Variants in RFX4 observed in about 807,000 individuals in gnomAD.
RFX4 encodes the protein regulatory factor X4, also known as transcription factor RFX4.
In RFX4, 10 loss-of-function variants were observed where a neutral mutation model predicts 95.0. The ratio of observed to expected loss-of-function variants is 0.11; its 90% CI spans 0.06 to 0.18. The LOEUF (loss-of-function observed/expected upper bound fraction) is 0.18. RFX4 is among the 10% of genes least tolerant of loss of function. The pLI is 1.00. For synonymous variants in RFX4, 321 were observed against 340.7 expected (o/e 0.94, Z 0.64); for missense variants, 640 against 922.0 (o/e 0.69, Z 3.96).
intron 8 of RFX4, among the ~76,000 whole-genome samples, chr12:106,701,626 G>C (rs1328124615): frequency 1.3e-5 from 2 of 152,178 alleles, no homozygotes; most frequent in African/African-American, 2.4e-5. Flanking sequence ...GGTTCACTGA[G>C]TCTTTCCTTT....
chr12:106,722,846 A>G (rs1360049768), intron 13 of RFX4, among the ~76,000 whole-genome samples: 1 of 152,152 alleles, frequency 6.6e-6, no homozygotes, highest in African/African-American at 2.4e-5. Context: ...CTGCTTATAT[A>G]TGTCAAAGAC....
chr12:106,726,262 A>G lies in RFX4; in HGVS notation c.1351+5386A>G, dbSNP rs575475524. Among the ~76,000 whole-genome samples, 4 of 150,708 alleles carry G rather than the reference A, an allele frequency of 2.7e-5. No individual in the cohort carries two copies. The East Asian group carries it at 7.8e-4, about 29-fold the overall frequency. On this transcript the variant is annotated intron_variant, in intron 13 of 17. Coordinates refer to ENST00000392842, the MANE Select transcript of RFX4 (RefSeq NM_213594.3). ...GACTCCATCTAAAAAAAAAAAAAAG[A>G]AAAAAAGGAAAAAAAAAAGAAGAAG...
chr12:106,612,105 A>G (rs1222448540), intron 2 of RFX4, among the ~76,000 whole-genome samples: 1 of 152,112 alleles, frequency 6.6e-6, no homozygotes, highest in Non-Finnish European at 1.5e-5. Context: ...GAGATTCCAT[A>G]TGAATTTTAG....
intron 3 of RFX4, among the ~76,000 whole-genome samples, chr12:106,641,971 C>A (rs77222055): frequency 0.024 from 2,443 of 103,652 alleles, 30 homozygotes; most frequent in African/African-American, 0.07. Flanking sequence ...CTATATCTAT[C>A]TATATCTATA....
chr12:106,643,506 C>A (rs2040678856), intron 3 of RFX4, among the ~76,000 whole-genome samples: 1 of 152,182 alleles, frequency 6.6e-6, no homozygotes, highest in Non-Finnish European at 1.5e-5. Context: ...TAAAGCTGCA[C>A]ATGTATCATC....
intron 15 of RFX4, among the ~76,000 whole-genome samples, chr12:106,736,883 G>A (rs1010928440): frequency 1.3e-5 from 2 of 152,046 alleles, no homozygotes; most frequent in Admixed American, 1.3e-4. Context: ...ACTAAGTCTC[G>A]TTTTCATGAA....
intron 13 of RFX4, among the ~76,000 whole-genome samples, chr12:106,727,943 T>C (rs1032388349): frequency 2.7e-4 from 41 of 152,218 alleles, no homozygotes; most frequent in African/African-American, 9.9e-4. Context: ...TATAAAATCA[T>C]TGGCATTCTT....
intron 17 of RFX4, among the ~76,000 whole-genome samples, chr12:106,754,027 T>C (rs1480339865): frequency 6.6e-6 from 1 of 152,116 alleles, no homozygotes; most frequent in Non-Finnish European, 1.5e-5. Context: ...TGTAATTACA[T>C]CAGCTGTTAG....
intron 15 of RFX4, among the ~76,000 whole-genome samples, chr12:106,743,142 G>T (rs562876137): frequency 9.9e-5 from 15 of 152,068 alleles, no homozygotes; most frequent in Non-Finnish European, 2.1e-4. Context: ...GGCTTCCACC[G>T]CTATCCTCAG....
intron 3 of RFX4, chr12:106,645,805 T>C (rs2040732694): frequency 3.7e-6 from 3 of 801,214 alleles, no homozygotes; most frequent in African/African-American, 3.6e-5. Flanking sequence ...GCTTTCATAA[T>C]GTGAGTTAGG....
At chr12:106,701,344 G>A (rs973343161) in intron 8 of RFX4, among the ~76,000 whole-genome samples, 4 of 152,118 alleles carry the variant, frequency 2.6e-5, no homozygotes, top group Non-Finnish European at 5.9e-5. Context: ...CGACCATGAT[G>A]TGTCTCAATG....
intron 15 of RFX4, among the ~76,000 whole-genome samples, chr12:106,739,037 G>GA (rs752107583): frequency 3.6e-4 from 55 of 151,796 alleles, no homozygotes; most frequent in Non-Finnish European, 7.1e-4. Flanking sequence ...ATTATCGCTT[G>GA]ACTTATATAT....
In RFX4 at chr12:106,725,702, G is replaced by A. The variant is rs146007856; in HGVS notation, c.1351+4826G>A. 1.1e-3 allele frequency among the ~76,000 whole-genome samples: 161 copies of A among 152,016 alleles called. 2 individuals are homozygous for A. The highest frequency in any genetic ancestry group is 5.8e-3 in the East Asian group (30 of 5,158). ...AAAATGGAAAAATATGAAAACTTAA[G>A]AGACAAAACGTTAAATGGAAAAGAA... On this transcript the variant is annotated intron_variant, in intron 13 of 17. Coordinates refer to ENST00000392842, the MANE Select transcript of RFX4 (RefSeq NM_213594.3).
At chr12:106,692,389 T>C (rs765146107) in intron 7 of RFX4, among the ~76,000 whole-genome samples, 2 of 152,178 alleles carry the variant, frequency 1.3e-5, no homozygotes, top group Non-Finnish European at 2.9e-5. Flanking sequence ...AAATTGTGTA[T>C]GTAAAGTGTC....
chr12:106,625,894 T>A (rs1386422273), intron 2 of RFX4, among the ~76,000 whole-genome samples: 1 of 152,222 alleles, frequency 6.6e-6, no homozygotes, highest in Non-Finnish European at 1.5e-5. Context: ...ACTTGTTCAA[T>A]GTCATAGCAA....
intron 4 of RFX4, among the ~76,000 whole-genome samples, chr12:106,663,253 C>T (rs1041106184): frequency 1.3e-5 from 2 of 151,910 alleles, no homozygotes; most frequent in East Asian, 3.8e-4. Context: ...TTGTGGTTTT[C>T]CTCGTGTAGC....
chr12:106,732,929 G>A lies in RFX4; in HGVS notation c.1477G>A (p.Val493Ile), dbSNP rs1483584411. 1 of 1,613,740 alleles carries A rather than the reference G, an allele frequency of 6.2e-7. No homozygotes were observed. The highest frequency in any genetic ancestry group is 1.3e-5 in the African/African-American group (1 of 74,892). ...TACCCTATCTCTATCCACAGCAGAA[G>A]TCCGAGAAGAGATCATCTTGACAGA... ...AMKGEGSTAE[V>I]REEIILTEAA... The change falls in exon 15 of 18, where the codon GTC becomes ATC. Residue 493 changes from valine (V) to isoleucine (I), a missense_variant. Val to Ile is a conservative substitution (Grantham distance 29). Transcript: ENST00000392842.
At chr12:106,668,245 A>T (rs73391332) in intron 4 of RFX4, among the ~76,000 whole-genome samples, 1 of 152,294 alleles carries the variant, frequency 6.6e-6, no homozygotes, top group African/African-American at 2.4e-5. Flanking sequence ...CTAGACTCCA[A>T]AAACTATCTT....
chr12:106,757,519 G>A (rs1033311777), intron 17 of RFX4, among the ~76,000 whole-genome samples: 11 of 148,766 alleles, frequency 7.4e-5, no homozygotes, highest in African/African-American at 2.7e-4. Context: ...CTGCACTCCA[G>A]CCTGGGTGAC....
Sources: gnomAD v4.1 joint callset for allele counts (sites outside exome capture counted in the v4.1 genomes callset) on GRCh38, gnomAD v4.1.1 for gene constraint, MANE v1.5 for transcripts, NCBI Gene and HGNC (gene_info 2026-07-23, HGNC 2026-07-21) for gene names.